Variants in ZNF469 observed in about 807,000 individuals in gnomAD.
ZNF469 encodes the protein zinc finger protein 469.
Under a neutral mutation model 1.0 loss-of-function variants are expected in ZNF469, and 1 was observed. The observed-to-expected ratio is 1.00, with a 90% CI of 0.35 to 4.73. The LOEUF (loss-of-function observed/expected upper bound fraction) is 4.73, where lower values mean the gene tolerates loss of function less well. ZNF469 is among the 30% of genes most tolerant of loss of function. ZNF469 has a pLI of 0.16. For synonymous variants in ZNF469, 2,703 were observed against 2,363.4 expected (o/e 1.14, Z -4.17); for missense variants, 6,100 against 5,356.3 (o/e 1.14, Z -4.33).
chr16:88,368,604 C>T, the ZNF469 span, among the ~76,000 whole-genome samples: 2 of 151,534 alleles, frequency 1.3e-5, no homozygotes, highest in Non-Finnish European at 2.9e-5. Context: ...GAAAGAGTCG[C>T]CTGGGAGAAT....
the ZNF469 span, among the ~76,000 whole-genome samples, chr16:88,169,805 G>A: frequency 6.6e-6 from 1 of 152,126 alleles, no homozygotes; most frequent in African/African-American, 2.4e-5. The surrounding 1 kb of genome is among the most constrained non-coding windows in gnomAD (Gnocchi z 6.1). Flanking sequence ...GCCATGCCAC[G>A]CTCCCACCAG....
the ZNF469 span, among the ~76,000 whole-genome samples, chr16:88,286,060 C>T: frequency 6.6e-6 from 1 of 152,244 alleles, no homozygotes; most frequent in African/African-American, 2.4e-5. Context: ...GCCCCAGTCC[C>T]AGCCCACTCG....
the ZNF469 span, among the ~76,000 whole-genome samples, chr16:88,246,309 C>A: frequency 1.3e-5 from 2 of 152,232 alleles, no homozygotes; most frequent in African/African-American, 4.8e-5. Context: ...TGTCAGGTAC[C>A]AGTTCCATCT....
the ZNF469 span, among the ~76,000 whole-genome samples, chr16:88,211,906 C>A: frequency 2.6e-5 from 4 of 152,202 alleles, no homozygotes; most frequent in African/African-American, 9.7e-5. Context: ...CCATGTGCAG[C>A]ACCCTCCATT....
chr16:88,347,828 G>A, the ZNF469 span, among the ~76,000 whole-genome samples: 1 of 152,256 alleles, frequency 6.6e-6, no homozygotes, highest in African/African-American at 2.4e-5. Context: ...ACCATTGGAT[G>A]TGTTTGGGCC....
the ZNF469 span, among the ~76,000 whole-genome samples, chr16:88,318,896 C>G: frequency 6.6e-6 from 1 of 152,250 alleles, no homozygotes; most frequent in African/African-American, 2.4e-5. Context: ...CCGTCCTCAC[C>G]AGGGCAGCAG....
the ZNF469 span, among the ~76,000 whole-genome samples, chr16:88,301,316 G>A: frequency 6.6e-6 from 1 of 151,998 alleles, no homozygotes; most frequent in Non-Finnish European, 1.5e-5. Context: ...TACCACGCCT[G>A]GCTAATTTTT....
the ZNF469 span, among the ~76,000 whole-genome samples, chr16:88,353,155 G>A: frequency 6.6e-6 from 1 of 152,200 alleles, no homozygotes; most frequent in Non-Finnish European, 1.5e-5. Context: ...TCGCCTAACA[G>A]TCCTGCGGAC....
rs1267418665 is a variant in ZNF469 at position 88,432,839 on chromosome 16, C to T, written c.5369C>T (p.Ala1790Val). 1 of 1,550,142 alleles carries T rather than the reference C, an allele frequency of 6.5e-7. No individual in the cohort carries two copies. The highest frequency in any genetic ancestry group is 1.4e-5 in the African/African-American group (1 of 73,100). The change falls in exon 3 of 3, where the codon GCC becomes GTC. Residue 1790 changes from alanine (A) to valine (V), a missense_variant. Physicochemically the swap from Ala to Val is moderately conservative, Grantham distance 64. Transcript: ENST00000565624. ...ACAGCAGACCAGCCCCACCGAGGGG[C>T]CCCTGCTCCAGAAGCTTTTGGCAGC... Reference protein sequence around the residue: ...PGTADQPHRGAPAPEAFGSPA... With the variant: ...PGTADQPHRGVPAPEAFGSPA...
At chr16:88,341,798 C>T in the ZNF469 span, among the ~76,000 whole-genome samples, 1 of 151,928 alleles carries the variant, frequency 6.6e-6, no homozygotes, top group African/African-American at 2.4e-5. Context: ...GGCTGCCATG[C>T]CCAGTGGGGG....
At chr16:88,258,426 C>G in the ZNF469 span, among the ~76,000 whole-genome samples, 28 of 139,708 alleles carry the variant, frequency 2.0e-4, no homozygotes, top group African/African-American at 5.2e-4. Flanking sequence ...CCCCACCCCC[C>G]CAGCTTACCC....
Position 88,435,138 on chromosome 16 carries a change from G to A in ZNF469, c.7668G>A (p.Gln2556=). 2 of 1,550,342 alleles carry A rather than the reference G, an allele frequency of 1.3e-6. No homozygotes were observed. Among genetic ancestry groups the A allele is most frequent in the Non-Finnish European group, 1.7e-6 (2 of 1,146,954 alleles). Residue 2556 remains glutamine, a synonymous_variant, in exon 3 of 3, where the codon CAG becomes CAA. Transcript: ENST00000565624. ...PSHVTQPPPA[Q]GSKEVLRAPG... ...ACGTCACCCAGCCACCGCCTGCCCAGGGCTCAAAGGAGGTTCTCAGAGCAC... is the reference window on the plus strand; with the variant it reads ...ACGTCACCCAGCCACCGCCTGCCCAAGGCTCAAAGGAGGTTCTCAGAGCAC...
In ZNF469 at chr16:88,437,389, ACGACCCCCAGCCCGTCCCC is replaced by A; in HGVS notation, c.9927_9945del (p.Ser3310GlyfsTer122). 1 of 1,534,580 alleles carries A rather than the reference ACGACCCCCAGCCCGTCCCC, an allele frequency of 6.5e-7. No individual in the cohort carries two copies. The highest frequency in any genetic ancestry group is 8.8e-7 in the Non-Finnish European group (1 of 1,139,850). On this transcript the variant is annotated frameshift_variant, in exon 3 of 3. Transcript: ENST00000565624. LOFTEE classifies it low-confidence loss of function (END_TRUNC). ...CGCCGGCAGCCCGGGCCCCCCCAGG[ACGACCCCCAGCCCGTCCCC>A]CGACCCCTGGGCCGGCGGGGAGCCC...
chr16:88,277,488 G>C, the ZNF469 span, among the ~76,000 whole-genome samples: 1 of 137,806 alleles, frequency 7.3e-6, no homozygotes, highest in African/African-American at 2.8e-5. Context: ...GCTGTGCCAC[G>C]CTGACACTCG....
chr16:88,110,454 C>T, the ZNF469 span, among the ~76,000 whole-genome samples: 1 of 152,256 alleles, frequency 6.6e-6, no homozygotes, highest in African/African-American at 2.4e-5. Context: ...CGCTGAGTGC[C>T]TGGTTGTTCC....
chr16:88,435,534 C>T lies in ZNF469; in HGVS notation c.8064C>T (p.Asp2688=), dbSNP rs558108271. The change falls in exon 3 of 3, where the codon GAC becomes GAT. Residue 2688 remains aspartate (D), a synonymous_variant. Transcript: ENST00000565624. ...CLSVEGGPEA[D]GEQPPRLATL... is the part of the protein sequence containing the mutation. ...CTGTGGAAGGAGGGCCTGAGGCTGA[C>T]GGGGAGCAGCCGCCTCGCTTGGCCA... The T allele has an allele frequency of 3.4e-4, 527 of 1,549,466 alleles. 1 individual carries two copies. The African/African-American group carries it at 6.0e-3, about 18-fold the overall frequency.
the ZNF469 span, among the ~76,000 whole-genome samples, chr16:88,104,479 C>T: frequency 7.9e-5 from 12 of 152,076 alleles, no homozygotes; most frequent in South Asian, 2.1e-4. Context: ...TTCATTACCC[C>T]GGACGTTAAG....
the ZNF469 span, among the ~76,000 whole-genome samples, chr16:88,270,768 G>A: frequency 3.9e-5 from 6 of 152,214 alleles, no homozygotes; most frequent in African/African-American, 9.7e-5. Flanking sequence ...AAAGCCCATC[G>A]CTGAACACTT....
chr16:88,326,693 G>A, the ZNF469 span, among the ~76,000 whole-genome samples: 43 of 152,190 alleles, frequency 2.8e-4, no homozygotes, highest in African/African-American at 9.4e-4. Context: ...TTGCTTTAAC[G>A]TCACTGACTC....
Sources: gnomAD v4.1 joint callset for allele counts (sites outside exome capture counted in the v4.1 genomes callset) on GRCh38, gnomAD v4.1.1 for gene constraint, Gnocchi (gnomAD v3.1) non-coding constraint, MANE v1.5 for transcripts, NCBI Gene and HGNC (gene_info 2026-07-23, HGNC 2026-07-21) for gene names.